BCAS3: variants seen among roughly 807,000 people sequenced by gnomAD.
BCAS3 encodes BCAS3 microtubule associated cell migration factor.
BCAS3 carries 53 observed loss-of-function variants against 116.1 expected under a neutral mutation model. The observed-to-expected ratio is 0.46, with a 90% CI of 0.37 to 0.57. The LOEUF (loss-of-function observed/expected upper bound fraction) is 0.57, where lower values mean the gene tolerates loss of function less well. Ranked by LOEUF, BCAS3 falls within the 20% of genes least tolerant of loss-of-function variation. BCAS3 has a pLI of 0.00. For missense variants in BCAS3, 917 were observed against 1,165.4 expected (o/e 0.79, Z 3.10); for synonymous variants, 391 against 408.2 (o/e 0.96, Z 0.51).
chr17:60,974,992 C>CTTTTTT lies in BCAS3; in HGVS notation c.1222-14978_1222-14973dup, dbSNP rs1568007292. Reference sequence around the variant, plus strand: ...CCATTTGTTTTTTTTGTTTTTTTTGCTTTTTTGTTTTTTTTTTTTTGAGAC... The same window carrying CTTTTTT: ...CCATTTGTTTTTTTTGTTTTTTTTGCTTTTTTTTTTTTGTTTTTTTTTTTTTGAGAC... On this transcript the variant is annotated intron_variant, in intron 14 of 23. Transcript: ENST00000407086. Among the ~76,000 whole-genome samples, 18 of 142,084 alleles carry CTTTTTT rather than the reference C, an allele frequency of 1.3e-4. 3 individuals carry two copies. Among genetic ancestry groups the CTTTTTT allele is most frequent in the African/African-American group, 5.0e-4 (17 of 33,726 alleles). The allele number at this position is 142,084 out of a possible 152,430, so 93.2% of individuals were successfully genotyped here.
intron 13 of BCAS3, among the ~76,000 whole-genome samples, chr17:60,937,909 C>T (rs1440286101): frequency 6.6e-6 from 1 of 152,132 alleles, no homozygotes; most frequent in Non-Finnish European, 1.5e-5. Flanking sequence ...CTGATACTAC[C>T]ATGTAGATAT....
rs1017092208 is a variant in BCAS3 at position 61,346,334 on chromosome 17, A to G, written c.2426-21993A>G. 6.6e-6 allele frequency among the ~76,000 whole-genome samples: 1 copy of G among 152,220 alleles called. No individual in the cohort carries two copies. Among genetic ancestry groups the G allele is most frequent in the African/African-American group, 2.4e-5 (1 of 41,458 alleles). ...ATTTTAGCATGATTGAAAAATCAGG[A>G]GAAAACTTTTTTAAATGCCTGAAAG... On this transcript the variant is annotated intron_variant, in intron 22 of 23. Transcript: ENST00000407086. The surrounding 1 kb of genome is among the most constrained non-coding windows in gnomAD (Gnocchi z 5.4).
chr17:61,044,944 T>C (rs1282574625), intron 19 of BCAS3, among the ~76,000 whole-genome samples: 2 of 151,744 alleles, frequency 1.3e-5, no homozygotes, highest in Admixed American at 1.3e-4. Flanking sequence ...TGTATTTTAG[T>C]AGAGATGGGG....
chr17:60,991,054 T>G (rs538827024), intron 15 of BCAS3, among the ~76,000 whole-genome samples: 31 of 152,310 alleles, frequency 2.0e-4, no homozygotes, highest in African/African-American at 7.0e-4. Context: ...AATGGAACAT[T>G]ATTGGAATCT....
At position 61,056,387 on chromosome 17, in the gene BCAS3, G is replaced by A. The variant is rs191850035; in HGVS notation, c.2029+15495G>A. On this transcript the variant is annotated intron_variant, in intron 19 of 23. Transcript: ENST00000407086. The surrounding 1 kb of genome is among the most constrained non-coding windows in gnomAD (Gnocchi z 4.9). ...CAGTAATTTACTTGAAATATGTTGG[G>A]ACAGGAAAAATAAAAGACTGAGAAC... 1.3e-3 allele frequency among the ~76,000 whole-genome samples: 204 copies of A among 152,054 alleles called. 1 individual carries two copies. The highest frequency in any genetic ancestry group is 4.8e-3 in the African/African-American group (197 of 41,462).
intron 22 of BCAS3, among the ~76,000 whole-genome samples, chr17:61,114,108 T>A (rs1440070507): frequency 6.8e-6 from 1 of 148,060 alleles, no homozygotes; most frequent in Non-Finnish European, 1.5e-5. Flanking sequence ...AAGAGCTATC[T>A]ATGACAAACC....
At chr17:60,747,092 A>G in intron 5 of BCAS3, 106 bp from the exon 6 acceptor site, 1 of 726,440 alleles carries the variant, frequency 1.4e-6, no homozygotes, top group South Asian at 1.9e-5. Flanking sequence ...ATGTATATAT[A>G]TTTCAGACAA....
At chr17:60,849,095 T>C (rs1467884831) in intron 7 of BCAS3, among the ~76,000 whole-genome samples, 1 of 152,198 alleles carries the variant, frequency 6.6e-6, no homozygotes, top group Non-Finnish European at 1.5e-5. Flanking sequence ...GATAGACACA[T>C]AGATACACAC....
intron 3 of BCAS3, among the ~76,000 whole-genome samples, chr17:60,684,491 A>C (rs971793067): frequency 6.6e-6 from 1 of 152,126 alleles, no homozygotes; most frequent in African/African-American, 2.4e-5. Context: ...AACTGATAAA[A>C]GATTAAGTCT....
Position 61,241,674 on chromosome 17 carries a change from G to A in BCAS3, c.2426-126653G>A, listed in dbSNP as rs986558208. On this transcript the variant is annotated intron_variant, in intron 22 of 23. Transcript: ENST00000407086. This position sits in a 1 kb window ranked among gnomAD's most constrained non-coding sequence, Gnocchi z 4.6. ...CCAGAGCTTGCAGTGAGCCGAGATC[G>A]TGCCAGTGCACTCCAGCCTGGGCAA... Among the ~76,000 whole-genome samples, 19 of 152,042 alleles carry A rather than the reference G, an allele frequency of 1.2e-4. No individual in the cohort carries two copies. Among genetic ancestry groups the A allele is most frequent in the East Asian group, 3.9e-4 (2 of 5,146 alleles).
chr17:60,886,582 A>G (rs2056659207), intron 9 of BCAS3: 3 of 149,866 alleles, frequency 2.0e-5, no homozygotes, highest in Non-Finnish European at 3.0e-5. Context: ...GGTTTTATCT[A>G]CTTTTGGTCT....
At position 61,037,911 on chromosome 17, in the gene BCAS3, T is replaced by C. The variant is rs1473738859; in HGVS notation, c.1785T>C (p.Val595=). ...TAGATCAGTCCAAACAAGTTGTAGTTGAGTCCCTGTACATTATCAGTTGCT... is the reference window on the plus strand; with the variant it reads ...TAGATCAGTCCAAACAAGTTGTAGTCGAGTCCCTGTACATTATCAGTTGCT... ...REKDQSKQVV[V]ESLYIISCYG... The change falls in exon 18 of 24, where the codon GTT becomes GTC. Residue 595 remains valine, a synonymous_variant. Transcript: ENST00000407086. This position sits in a 1 kb window ranked among gnomAD's most constrained non-coding sequence, Gnocchi z 4.7. 37 of 1,614,100 alleles carry C rather than the reference T, an allele frequency of 2.3e-5. No individual in the cohort carries two copies. The highest frequency in any genetic ancestry group is 3.0e-5 in the Non-Finnish European group (35 of 1,179,982).
chr17:61,371,342 A>C, intron 23 of BCAS3, among the ~76,000 whole-genome samples: 1 of 152,344 alleles, frequency 6.6e-6, no homozygotes, highest in South Asian at 2.1e-4. Flanking sequence ...TGTGCACTCC[A>C]GCACCTGGTT....
intron 19 of BCAS3, among the ~76,000 whole-genome samples, chr17:61,045,868 T>A (rs1307696362): frequency 8.1e-5 from 2 of 24,562 alleles, no homozygotes; most frequent in East Asian, 2.4e-3. Flanking sequence ...TATATATAAA[T>A]ATATATAAAT....
chr17:60,937,858 T>C (rs1319068047), intron 13 of BCAS3, among the ~76,000 whole-genome samples: 5 of 152,232 alleles, frequency 3.3e-5, no homozygotes, highest in Non-Finnish European at 7.3e-5. Context: ...ATTAGTTGAC[T>C]GTATCTGTAT....
chr17:61,264,789 G>T (rs2049531806), intron 22 of BCAS3, among the ~76,000 whole-genome samples: 1 of 152,198 alleles, frequency 6.6e-6, no homozygotes. Flanking sequence ...TATTGAGGAG[G>T]CAGGAGACAT....
At chr17:61,353,268 T>C (rs535138348) in intron 22 of BCAS3, among the ~76,000 whole-genome samples, 32 of 152,214 alleles carry the variant, frequency 2.1e-4, no homozygotes, top group African/African-American at 7.0e-4. Context: ...AAAAATGCTT[T>C]TGGGGACAGG....
At chr17:61,091,407 GGGGGCAC>G (rs2073558070) in intron 22 of BCAS3, among the ~76,000 whole-genome samples, 1 of 152,150 alleles carries the variant, frequency 6.6e-6, no homozygotes, top group Non-Finnish European at 1.5e-5. Flanking sequence ...GGACAGAGTT[GGGGGCAC>G]TATTAGAATT....
intron 10 of BCAS3, among the ~76,000 whole-genome samples, chr17:60,893,655 G>C (rs1046902582): frequency 1.4e-5 from 2 of 145,072 alleles, no homozygotes; most frequent in Non-Finnish European, 3.0e-5. Flanking sequence ...GTTGCCAAGG[G>C]TGGAGTGCAG....
Sources: allele counts gnomAD v4.1 joint callset (sites outside exome capture counted in the v4.1 genomes callset), GRCh38; gene constraint gnomAD v4.1.1; non-coding constraint Gnocchi (gnomAD v3.1); transcripts MANE v1.5; gene names NCBI Gene and HGNC (gene_info 2026-07-23, HGNC 2026-07-21).